Variants in SLIT2 observed in about 807,000 individuals in gnomAD.
SLIT2 encodes slit homolog 2 protein.
SLIT2 carries 41 observed loss-of-function variants against 185.7 expected under a neutral mutation model. The ratio of observed to expected loss-of-function variants is 0.22; its 90% CI spans 0.17 to 0.29. The LOEUF (loss-of-function observed/expected upper bound fraction) is 0.29. Ranked by LOEUF, SLIT2 falls within the 10% of genes least tolerant of loss-of-function variation. SLIT2 has a pLI of 1.00. For missense variants in SLIT2, 1,571 were observed against 1,909.0 expected, an observed-to-expected ratio of 0.82 and a Z score of 3.30; for synonymous variants, 693 against 680.2, an observed-to-expected ratio of 1.02 and a Z score of -0.29.
chr4:20,539,682 A>G, intron 19 of SLIT2, 98 bp downstream of exon 19: 1 of 850,264 alleles, frequency 1.2e-6, no homozygotes, highest in Non-Finnish European at 1.7e-6. Context: ...AAATGTGATC[A>G]AGGGTTTTAG....
chr4:20,405,726 T>G (rs1026581160), intron 4 of SLIT2, among the ~76,000 whole-genome samples: 5 of 151,942 alleles, frequency 3.3e-5, no homozygotes, highest in African/African-American at 1.2e-4. Context: ...TATTTCTGTT[T>G]TTGGCTAATT....
At chr4:20,495,674 AAATT>A (rs1414189622) in intron 9 of SLIT2, among the ~76,000 whole-genome samples, 2 of 152,266 alleles carry the variant, frequency 1.3e-5, no homozygotes, top group Admixed American at 1.3e-4. Context: ...AAGCTACAAT[AAATT>A]AAATTTATGA....
intron 5 of SLIT2, among the ~76,000 whole-genome samples, chr4:20,471,520 A>G (rs1715015206): frequency 6.6e-6 from 1 of 152,112 alleles, no homozygotes; most frequent in Non-Finnish European, 1.5e-5. Context: ...CATTGTGGCT[A>G]CTGTTCAGTG....
chr4:20,551,468 G>A (rs1723748546), intron 25 of SLIT2, among the ~76,000 whole-genome samples: 1 of 152,100 alleles, frequency 6.6e-6, no homozygotes, highest in African/African-American at 2.4e-5. Context: ...CATAGTTTTT[G>A]GAAGTACAGT....
chr4:20,264,276 G>T (rs1317087651), intron 3 of SLIT2, among the ~76,000 whole-genome samples: 2 of 151,776 alleles, frequency 1.3e-5, no homozygotes, highest in East Asian at 3.9e-4. Flanking sequence ...CTGAGAAGGT[G>T]GCAAAAGAGG....
At chr4:20,450,670 A>G (rs1712374172) in intron 4 of SLIT2, among the ~76,000 whole-genome samples, 1 of 152,236 alleles carries the variant, frequency 6.6e-6, no homozygotes, top group South Asian at 2.1e-4. Context: ...CAAATAGTAT[A>G]TCTTTCCACC....
intron 4 of SLIT2, chr4:20,364,137 G>A (rs1722939222): frequency 3.3e-6 from 1 of 304,438 alleles, no homozygotes; most frequent in African/African-American, 2.3e-5. Context: ...CTGCCAGCTT[G>A]TGTGCAAATG....
intron 4 of SLIT2, among the ~76,000 whole-genome samples, chr4:20,315,300 A>G (rs1038992929): frequency 2.6e-5 from 4 of 152,136 alleles, no homozygotes; most frequent in South Asian, 2.1e-4. Context: ...TGAATATTCA[A>G]CCACAACAGA....
chr4:20,491,983 G>A (rs987006424), intron 9 of SLIT2, 84 bp downstream of exon 9: 24 of 1,373,076 alleles, frequency 1.7e-5, no homozygotes, highest in Admixed American at 1.3e-4. Context: ...TGAGTTTATC[G>A]AAGGCACATC....
intron 16 of SLIT2, among the ~76,000 whole-genome samples, chr4:20,531,436 G>A (rs182228711): frequency 9.0e-4 from 137 of 152,290 alleles, no homozygotes; most frequent in African/African-American, 3.1e-3. Context: ...AAAGCAAAAA[G>A]TAACCTAGTG....
chr4:20,598,294 C>T lies in SLIT2; in HGVS notation c.3591C>T (p.Leu1197=). The T allele has an allele frequency of 6.2e-7, 1 of 1,614,036 alleles. No homozygotes were observed. Among genetic ancestry groups the T allele is most frequent in the Non-Finnish European group, 8.5e-7 (1 of 1,179,948 alleles). Residue 1197 remains leucine (L), a synonymous_variant, in exon 33 of 37, where the codon CTC becomes CTT. Coordinates refer to ENST00000504154, the MANE Select transcript of SLIT2 (RefSeq NM_004787.4). ...CCACAGATGAAGACAGCGGAATCCT[C>T]CTGTATAAGGGTGACAAAGACCATA... ...QIATDEDSGI[L]LYKGDKDHIA...
intron 34 of SLIT2, among the ~76,000 whole-genome samples, chr4:20,612,308 C>T (rs892544312): frequency 6.1e-5 from 9 of 147,514 alleles, no homozygotes; most frequent in Admixed American, 1.3e-4. Flanking sequence ...CCCCGCCCCC[C>T]GCCAAAAAAA....
intron 4 of SLIT2, among the ~76,000 whole-genome samples, chr4:20,283,917 C>G (rs1715026722): frequency 6.6e-6 from 1 of 152,178 alleles, no homozygotes; most frequent in Non-Finnish European, 1.5e-5. Flanking sequence ...CTTCCCTGAT[C>G]TATTCTTCTC....
chr4:20,551,101 G>A (rs1310779346), intron 25 of SLIT2, among the ~76,000 whole-genome samples: 1 of 152,166 alleles, frequency 6.6e-6, no homozygotes, highest in Non-Finnish European at 1.5e-5. Flanking sequence ...TTATTTTCCA[G>A]TAGTCGAATT....
At position 20,599,208 on chromosome 4, in the gene SLIT2, A is replaced by G. The variant is rs140253914; in HGVS notation, c.3692+813A>G. Among the ~76,000 whole-genome samples, 517 of 152,324 alleles carry G rather than the reference A, an allele frequency of 3.4e-3. 4 individuals are homozygous for G. The highest frequency in any genetic ancestry group is 0.012 in the African/African-American group (497 of 41,578). ...TTTCTAATGATTAATGATATTAATA[A>G]TATACTGGAGACGTGAAATGGGTGG... On this transcript the variant is annotated intron_variant, in intron 33 of 36. Coordinates refer to ENST00000504154, the MANE Select transcript of SLIT2 (RefSeq NM_004787.4).
intron 29 of SLIT2, among the ~76,000 whole-genome samples, chr4:20,575,932 G>T (rs1252913023): frequency 6.6e-6 from 1 of 151,580 alleles, no homozygotes; most frequent in African/African-American, 2.4e-5. Flanking sequence ...TCTCTTCCTG[G>T]CACGAATATT....
At chr4:20,321,644 C>A (rs566854723) in intron 4 of SLIT2, among the ~76,000 whole-genome samples, 1 of 152,134 alleles carries the variant, frequency 6.6e-6, no homozygotes, top group East Asian at 1.9e-4. Flanking sequence ...TGGAACCATG[C>A]GGGAAAATTC....
intron 29 of SLIT2, among the ~76,000 whole-genome samples, chr4:20,581,118 A>G (rs1726527435): frequency 1.3e-5 from 2 of 152,152 alleles, no homozygotes; most frequent in Admixed American, 1.3e-4. Context: ...TTATTGTCTT[A>G]CAGTTCTGGA....
chr4:20,546,628 A>T lies in SLIT2; in HGVS notation c.2345+529A>T, dbSNP rs190093789. The stretch of plus-strand genomic sequence containing the variant: ...TAGTGTTTAAGTAAACTTGACAAAG[A>T]TACTAACATTTTGAGTATAAATTTC... On this transcript the variant is annotated intron_variant, in intron 22 of 36. Coordinates refer to ENST00000504154, the MANE Select transcript of SLIT2 (RefSeq NM_004787.4). Among the ~76,000 whole-genome samples, 407 of 152,218 alleles carry T rather than the reference A, an allele frequency of 2.7e-3. 2 individuals carry two copies. Among genetic ancestry groups the T allele is most frequent in the Non-Finnish European group, 4.4e-3 (296 of 67,982 alleles).
Sources: gnomAD v4.1 joint callset for allele counts (sites outside exome capture counted in the v4.1 genomes callset) on GRCh38, gnomAD v4.1.1 for gene constraint, MANE v1.5 for transcripts, NCBI Gene and HGNC (gene_info 2026-07-23, HGNC 2026-07-21) for gene names.